Variants in NFIB observed in about 807,000 individuals in gnomAD.
NFIB encodes the protein nuclear factor 1 B-type.
NFIB carries 11 observed loss-of-function variants against 61.5 expected under a neutral mutation model. That is an observed-to-expected ratio of 0.18 (90% CI 0.11 to 0.30). The LOEUF is 0.30. Among genes scored for constraint, NFIB ranks in the 10% least tolerant of loss-of-function variants. The probability of loss-of-function intolerance (pLI) is 1.00; values close to 1 mark genes in which losing one functional copy is unlikely to be tolerated. For synonymous variants in NFIB, 260 were observed against 216.5 expected (o/e 1.20, Z -1.76); for missense variants, 471 against 608.9 (o/e 0.77, Z 2.38).
At chr9:14,215,468 G>A (rs2050758684) in intron 2 of NFIB, among the ~76,000 whole-genome samples, 1 of 141,792 alleles carries the variant, frequency 7.1e-6, no homozygotes, top group Non-Finnish European at 1.5e-5. Context: ...GAAAGCAAAT[G>A]TGTAAAAAGA....
chr9:14,522,311 T>C, the NFIB span, among the ~76,000 whole-genome samples: 5 of 151,142 alleles, frequency 3.3e-5, no homozygotes, highest in East Asian at 5.8e-4. Flanking sequence ...AACTAATTGA[T>C]TGAACATTCA....
intron 3 of NFIB, among the ~76,000 whole-genome samples, chr9:14,173,085 T>G (rs1189718656): frequency 6.6e-6 from 1 of 152,238 alleles, no homozygotes; most frequent in East Asian, 1.9e-4. Flanking sequence ...AAATGATACT[T>G]TCTGCAGGAA....
chr9:14,252,304 C>T (rs1291486015), intron 2 of NFIB, among the ~76,000 whole-genome samples: 4 of 152,124 alleles, frequency 2.6e-5, no homozygotes, highest in Admixed American at 6.5e-5. Flanking sequence ...TTCCTCATTA[C>T]TTCTATGGCA....
rs1383655619 is a variant in NFIB, at chr9:14,120,149, GCCCAGAGCTTT to G, written c.1245+280_1245+290del. Among the ~76,000 whole-genome samples the G allele has an allele frequency of 1.9e-4, 29 of 152,280 alleles. 1 individual carries two copies. The highest frequency in any genetic ancestry group is 2.0e-4 in the Admixed American group (3 of 15,294). On this transcript the variant is annotated intron_variant, in intron 8 of 10. Coordinates refer to ENST00000380953, the MANE Select transcript of NFIB (RefSeq NM_001190737.2). This position sits in a 1 kb window ranked among gnomAD's most constrained non-coding sequence, Gnocchi z 4.4. ...AGGTATTTAAGAGGTGTGAACTCCA[GCCCAGAGCTTT>G]CCTGTCAATGTACTTTCTGCATAAA...
intron 2 of NFIB, chr9:14,306,027 G>T: frequency 3.0e-6 from 3 of 1,011,320 alleles, no homozygotes; most frequent in South Asian, 2.1e-5. Context: ...ACCTACTTAA[G>T]GAAAATATAT....
At chr9:14,520,443 G>T in the NFIB span, among the ~76,000 whole-genome samples, 1 of 152,200 alleles carries the variant, frequency 6.6e-6, no homozygotes, top group Non-Finnish European at 1.5e-5. Flanking sequence ...CTTCTTCCAA[G>T]GGCTGACTGA....
At chr9:14,266,919 T>TA (rs2057251030) in intron 2 of NFIB, among the ~76,000 whole-genome samples, 1 of 152,144 alleles carries the variant, frequency 6.6e-6, no homozygotes, top group Non-Finnish European at 1.5e-5. Context: ...AATCCACTAA[T>TA]ATAAAACAAA....
At chr9:14,255,523 C>G (rs2056134065) in intron 2 of NFIB, among the ~76,000 whole-genome samples, 1 of 152,034 alleles carries the variant, frequency 6.6e-6, no homozygotes, top group Non-Finnish European at 1.5e-5. Context: ...ATATAAAAAT[C>G]CAGGGCATAC....
Position 14,231,112 on chromosome 9 carries a change from T to C in NFIB, c.563-51332A>G, listed in dbSNP as rs1480013756. ...ATCTGAGTCCTTGGCCTACAGTTTT[T>C]CCATGGGGAAAAAAAAAAAAAAAAT... On this transcript the variant is annotated intron_variant, in intron 2 of 10. Transcript: ENST00000380953. Among the ~76,000 whole-genome samples the C allele has an allele frequency of 7.7e-5, 5 of 64,766 alleles. No homozygotes were observed. The Admixed American group carries it at 1.1e-3, about 14-fold the overall frequency. 42.5% of individuals were successfully genotyped at this position (64,766 alleles called of 152,430 possible). A position where few individuals can be genotyped will look rare whatever the true frequency, so the allele number is the denominator to read the frequency against.
chr9:14,277,265 G>A (rs967286822), intron 2 of NFIB, among the ~76,000 whole-genome samples: 1 of 152,052 alleles, frequency 6.6e-6, no homozygotes, highest in Admixed American at 6.5e-5. Flanking sequence ...TAATACACAT[G>A]GTTTGCTGGC....
chr9:14,348,426 G>A lies in NFIB; in HGVS notation c.109-40906C>T, dbSNP rs573117771. Among the ~76,000 whole-genome samples, 204 of 152,276 alleles carry A rather than the reference G, an allele frequency of 1.3e-3. 1 individual carries two copies. The highest frequency in any genetic ancestry group is 4.7e-3 in the African/African-American group (197 of 41,552). On this transcript the variant is annotated intron_variant, in intron 1 of 8. Coordinates refer to the NFIB transcript ENST00000380934. ...GCTGAGCGCCGTTCCAAACGGCAGGGCTCACGCTATTTCGGGAGAAGTTGG... is the reference window on the plus strand; with the variant it reads ...GCTGAGCGCCGTTCCAAACGGCAGGACTCACGCTATTTCGGGAGAAGTTGG...
At chr9:14,494,628 G>A in the NFIB span, among the ~76,000 whole-genome samples, 2 of 152,176 alleles carry the variant, frequency 1.3e-5, no homozygotes, top group African/African-American at 2.4e-5. Context: ...TATGGCTATT[G>A]AGACTTCTGC....
the NFIB span, among the ~76,000 whole-genome samples, chr9:14,464,400 C>A: frequency 6.6e-6 from 1 of 152,068 alleles, no homozygotes; most frequent in East Asian, 1.9e-4. Flanking sequence ...GTGGAAGGAG[C>A]CAGGCTTTCA....
intron 2 of NFIB, among the ~76,000 whole-genome samples, chr9:14,267,564 C>A (rs1194683096): frequency 2.0e-5 from 3 of 152,172 alleles, no homozygotes; most frequent in African/African-American, 7.2e-5. Context: ...CCAACAAAGA[C>A]CCCCATACCC....
intron 1 of NFIB, among the ~76,000 whole-genome samples, chr9:14,338,641 T>C (rs760528546): frequency 7.2e-5 from 11 of 152,160 alleles, no homozygotes; most frequent in Non-Finnish European, 1.5e-4. Flanking sequence ...ATGTGAAATA[T>C]ACCTAGCTCA....
chr9:14,178,331 C>G (rs2046390734), intron 3 of NFIB, among the ~76,000 whole-genome samples: 1 of 151,948 alleles, frequency 6.6e-6, no homozygotes, highest in African/African-American at 2.4e-5. Flanking sequence ...TTCTAAGTAG[C>G]CTTTTTGGAA....
In NFIB at chr9:14,088,254, T is replaced by C; in HGVS notation, c.*55A>G. The C allele has an allele frequency of 1.3e-6, 2 of 1,590,704 alleles. No homozygotes were observed. Among genetic ancestry groups the C allele is most frequent in the Non-Finnish European group, 1.7e-6 (2 of 1,166,494 alleles). ...CTCCAATTATGTTCAAACCGTAATT[T>C]TGGACATTGGCCGGTAAGATGGGTG... On this transcript the variant is annotated 3_prime_UTR_variant, in exon 11 of 11. Coordinates refer to ENST00000380953, the MANE Select transcript of NFIB (RefSeq NM_001190737.2).
chr9:14,391,317 C>T (rs1182772852), intron 1 of NFIB, among the ~76,000 whole-genome samples: 1 of 143,686 alleles, frequency 7.0e-6, no homozygotes, highest in Admixed American at 7.1e-5. Flanking sequence ...GCAGACAAGA[C>T]CAGTGCAGGA....
the NFIB span, among the ~76,000 whole-genome samples, chr9:14,456,817 C>T: frequency 6.6e-6 from 1 of 152,156 alleles, no homozygotes; most frequent in Non-Finnish European, 1.5e-5. Context: ...TACTCTGACC[C>T]AGCCATCCCA....
Sources: gnomAD v4.1 joint callset for allele counts (sites outside exome capture counted in the v4.1 genomes callset) on GRCh38, gnomAD v4.1.1 for gene constraint, Gnocchi (gnomAD v3.1) non-coding constraint, MANE v1.5 for transcripts, NCBI Gene and HGNC (gene_info 2026-07-23, HGNC 2026-07-21) for gene names.